Variants in SYNPO2 observed in about 807,000 individuals in gnomAD.
SYNPO2 encodes synaptopodin-2.
Under a neutral mutation model 85.0 loss-of-function variants are expected in SYNPO2, and 56 were observed. The observed-to-expected ratio is 0.66, with a 90% CI of 0.53 to 0.82. The LOEUF is 0.82. SYNPO2 is among the 40% of genes least tolerant of loss of function. The probability of loss-of-function intolerance (pLI) is 0.00; values close to 1 mark genes in which losing one functional copy is unlikely to be tolerated. For missense variants in SYNPO2, 1,575 were observed against 1,534.2 expected (o/e 1.03, Z -0.44); for synonymous variants, 602 against 591.1 (o/e 1.02, Z -0.27).
chr4:118,965,393 T>A (rs1735275088), intron 1 of SYNPO2, among the ~76,000 whole-genome samples: 1 of 152,112 alleles, frequency 6.6e-6, no homozygotes, highest in Non-Finnish European at 1.5e-5. Flanking sequence ...TCATCCCTCC[T>A]GCACTGCATT....
At chr4:118,940,313 C>T (rs1473395648) in intron 1 of SYNPO2, among the ~76,000 whole-genome samples, 3 of 151,976 alleles carry the variant, frequency 2.0e-5, no homozygotes, top group South Asian at 2.1e-4. Context: ...AAGCTCTCAG[C>T]GTTTCTGTCA....
At chr4:118,871,479 C>A (rs1180800673) in intron 1 of SYNPO2, among the ~76,000 whole-genome samples, 1 of 152,036 alleles carries the variant, frequency 6.6e-6, no homozygotes, top group Non-Finnish European at 1.5e-5. Context: ...GTTCTACCTA[C>A]CGGAATATGT....
At chr4:119,012,393 T>TTTTTTTTTTTCTTTA (rs1553946399) in intron 1 of SYNPO2, among the ~76,000 whole-genome samples, 1 of 130,822 alleles carries the variant, frequency 7.6e-6, no homozygotes, top group Admixed American at 8.0e-5. Context: ...TTTTTTTTTT[T>TTTTTTTTTTTCTTTA]ATTTTACTTT....
intron 3 of SYNPO2, among the ~76,000 whole-genome samples, chr4:119,028,289 A>G (rs1175199776): frequency 6.6e-6 from 1 of 151,366 alleles, no homozygotes; most frequent in African/African-American, 2.4e-5. Context: ...AGGCAAAGGC[A>G]CTTGACTGTA....
At chr4:118,851,130 G>A (rs555704328) in intron 1 of SYNPO2, among the ~76,000 whole-genome samples, 2 of 133,640 alleles carry the variant, frequency 1.5e-5, no homozygotes, top group Non-Finnish European at 3.2e-5. Context: ...CAGGTCTTTC[G>A]TCAGAACTTT....
chr4:118,996,813 C>T (rs1432189381), intron 1 of SYNPO2, among the ~76,000 whole-genome samples: 15 of 148,482 alleles, frequency 1.0e-4, no homozygotes, highest in African/African-American at 2.5e-4. Flanking sequence ...GCTGAGATCG[C>T]GCCACTGCAC....
At chr4:118,979,289 G>A (rs1312146757) in intron 1 of SYNPO2, among the ~76,000 whole-genome samples, 1 of 152,154 alleles carries the variant, frequency 6.6e-6, no homozygotes, top group African/African-American at 2.4e-5. Flanking sequence ...TGTTTTGCCA[G>A]TACTGCTTAG....
intron 1 of SYNPO2, among the ~76,000 whole-genome samples, chr4:118,927,533 T>C (rs1733753035): frequency 6.6e-6 from 1 of 152,076 alleles, no homozygotes; most frequent in Non-Finnish European, 1.5e-5. Flanking sequence ...CTTTCTTCCA[T>C]TACCATGCTG....
chr4:119,021,609 C>T (rs1737724451), intron 1 of SYNPO2, among the ~76,000 whole-genome samples: 1 of 152,118 alleles, frequency 6.6e-6, no homozygotes, highest in Non-Finnish European at 1.5e-5. Context: ...TCACTTAGGG[C>T]TCCAGCAGGA....
chr4:118,868,047 TTA>T (rs1491344330), intron 1 of SYNPO2, among the ~76,000 whole-genome samples: 19 of 126,952 alleles, frequency 1.5e-4, no homozygotes, highest in Non-Finnish European at 1.5e-4. Context: ...CTCCTTTCAT[TTA>T]AAAAAAAAAA....
In SYNPO2 at chr4:119,060,349, T is replaced by A. The variant is rs1341012947; in HGVS notation, c.*2415T>A. The A allele has an allele frequency of 6.6e-6, 1 of 152,138 alleles. No individual in the cohort carries two copies. The highest frequency in any genetic ancestry group is 1.5e-5 in the Non-Finnish European group (1 of 67,996). The allele number at this position is 152,138 out of a possible 1,614,324, so 9.4% of individuals were successfully genotyped here. On this transcript the variant is annotated 3_prime_UTR_variant, in exon 5 of 5. Transcript: ENST00000307142. ...ACATTTCTCACAAGGAAAAAAACAT[T>A]CTATATTTGTAGCAGAAATCAGTGG...
intron 4 of SYNPO2, chr4:119,037,447 A>G: frequency 9.1e-7 from 1 of 1,103,010 alleles, no homozygotes; most frequent in Non-Finnish European, 1.1e-6. Flanking sequence ...AAATAACAAA[A>G]GCCATAGTGT....
exon 1 of SYNPO2, chr4:118,850,771 G>A (rs1280147151): frequency 1.3e-5 from 5 of 398,534 alleles, no homozygotes; most frequent in African/African-American, 2.1e-5. Flanking sequence ...TCGGCAACTC[G>A]GAAGCGAAGC....
chr4:119,025,241 A>G (rs1737889461), intron 2 of SYNPO2, among the ~76,000 whole-genome samples: 1 of 152,180 alleles, frequency 6.6e-6, no homozygotes, highest in African/African-American at 2.4e-5. Flanking sequence ...ATTCAAAGTG[A>G]TTTAATCTAC....
intron 1 of SYNPO2, among the ~76,000 whole-genome samples, chr4:118,922,016 C>T (rs1239929779): frequency 1.3e-5 from 2 of 152,128 alleles, no homozygotes; most frequent in Non-Finnish European, 2.9e-5. Flanking sequence ...CTGTTTTCCT[C>T]ATTACTGGGA....
At chr4:119,036,930 T>C in intron 4 of SYNPO2, 7 of 1,205,386 alleles carry the variant, frequency 5.8e-6, no homozygotes, top group Non-Finnish European at 7.2e-6. Context: ...GCATCCCAAG[T>C]ATACAGGGGA....
At chr4:118,988,871 G>A (rs543025494) in intron 1 of SYNPO2, among the ~76,000 whole-genome samples, 5 of 152,108 alleles carry the variant, frequency 3.3e-5, no homozygotes, top group East Asian at 1.9e-4. Flanking sequence ...TCATCGAATC[G>A]CTTCAGACTT....
At chr4:118,927,562 A>G (rs1733754395) in intron 1 of SYNPO2, among the ~76,000 whole-genome samples, 1 of 152,156 alleles carries the variant, frequency 6.6e-6, no homozygotes, top group African/African-American at 2.4e-5. Context: ...GGCTTTCTTG[A>G]AATTTCATGT....
In SYNPO2 at chr4:118,914,649, G is replaced by A. The variant is rs567334946; in HGVS notation, c.105+25508G>A. On this transcript the variant is annotated intron_variant, in intron 1 of 4. Transcript: ENST00000307142. Reference sequence around the variant, plus strand: ...AGGGATGGAAGCCACATAATAGTTGGCTGAGAAATGAGAATTAGAAGACAG... The same window carrying A: ...AGGGATGGAAGCCACATAATAGTTGACTGAGAAATGAGAATTAGAAGACAG... Among the ~76,000 whole-genome samples the A allele has an allele frequency of 3.3e-5, 5 of 152,142 alleles. No homozygotes were observed. The East Asian group carries it at 7.7e-4, about 24-fold the overall frequency.
Sources: gnomAD v4.1 joint callset for allele counts (sites outside exome capture counted in the v4.1 genomes callset) on GRCh38, gnomAD v4.1.1 for gene constraint, MANE v1.5 for transcripts, NCBI Gene and HGNC (gene_info 2026-07-23, HGNC 2026-07-21) for gene names.